DPYSL2: variants seen among roughly 807,000 people sequenced by gnomAD.
DPYSL2 encodes dihydropyrimidinase-related protein 2.
Under a neutral mutation model 69.9 loss-of-function variants are expected in DPYSL2, and 13 were observed. The observed-to-expected ratio is 0.19, with a 90% CI of 0.12 to 0.30. The LOEUF is 0.30. DPYSL2 is among the 10% of genes least tolerant of loss of function. DPYSL2 has a pLI of 1.00. For synonymous variants in DPYSL2, 326 were observed against 359.1 expected, an observed-to-expected ratio of 0.91 and a Z score of 1.04; for missense variants, 587 against 918.9, an observed-to-expected ratio of 0.64 and a Z score of 4.67.
intron 3 of DPYSL2, among the ~76,000 whole-genome samples, chr8:26,601,685 A>G (rs908616597): frequency 1.3e-4 from 20 of 152,300 alleles, no homozygotes; most frequent in African/African-American, 4.8e-4. Context: ...GCCCTCTCTT[A>G]TAGGAACTTC....
intron 2 of DPYSL2, among the ~76,000 whole-genome samples, chr8:26,583,330 T>C (rs1438517589): frequency 5.0e-5 from 5 of 99,558 alleles, no homozygotes; most frequent in Admixed American, 4.8e-4. Context: ...TAGTGTTCAC[T>C]TTTTTTTTTT....
At chr8:26,618,790 A>C (rs923984048) in intron 3 of DPYSL2, among the ~76,000 whole-genome samples, 1 of 151,092 alleles carries the variant, frequency 6.6e-6, no homozygotes, top group African/African-American at 2.4e-5. Context: ...AAAAAAAAAA[A>C]AAAAAAAAAA....
intron 1 of DPYSL2, among the ~76,000 whole-genome samples, chr8:26,515,768 AAAT>A (rs1469520780): frequency 2.0e-5 from 3 of 152,214 alleles, no homozygotes; most frequent in Non-Finnish European, 4.4e-5. Flanking sequence ...CTGCTGGTAA[AAAT>A]AATAAGTCAA....
chr8:26,657,050 C>T lies in DPYSL2; in HGVS notation c.*1344C>T, dbSNP rs1046863609. 35 of 152,024 alleles carry T rather than the reference C, an allele frequency of 2.3e-4. No homozygotes were observed. The highest frequency in any genetic ancestry group is 7.0e-4 in the African/African-American group (29 of 41,408). 9.4% of individuals were successfully genotyped at this position (152,024 alleles called of 1,614,324 possible). ...AGAACACATGGGAGCTTTTTATTTT[C>T]GGGGAAAAACCGTATTTTTTTCTTG... On this transcript the variant is annotated 3_prime_UTR_variant, in exon 14 of 14. Transcript: ENST00000521913.
intron 2 of DPYSL2, among the ~76,000 whole-genome samples, chr8:26,583,510 A>G (rs1801533590): frequency 6.6e-6 from 1 of 152,154 alleles, no homozygotes; most frequent in African/African-American, 2.4e-5. Context: ...CAGTTCTTAG[A>G]AATATCTTGG....
chr8:26,549,220 A>ATC (rs773121290), intron 1 of DPYSL2, among the ~76,000 whole-genome samples: 2 of 137,306 alleles, frequency 1.5e-5, no homozygotes, highest in African/African-American at 2.5e-5. Context: ...TAATAATAAT[A>ATC]ATAATAATCA....
At chr8:26,579,233 C>T (rs1000977131) in intron 1 of DPYSL2, among the ~76,000 whole-genome samples, 3 of 152,256 alleles carry the variant, frequency 2.0e-5, no homozygotes, top group Non-Finnish European at 2.9e-5. Context: ...TGTTGGTTTG[C>T]AAACCACGGG....
intron 1 of DPYSL2, among the ~76,000 whole-genome samples, chr8:26,556,563 T>C (rs1042281977): frequency 4.7e-5 from 7 of 150,302 alleles, no homozygotes; most frequent in Admixed American, 6.8e-5. Flanking sequence ...TTAGAATTTA[T>C]ATTAAAAACA....
chr8:26,647,505 C>A lies in DPYSL2; in HGVS notation c.1426-125C>A. On this transcript the variant is annotated intron_variant, in intron 10 of 13. Coordinates refer to ENST00000521913, the MANE Select transcript of DPYSL2 (RefSeq NM_001197293.3). This position sits in a 1 kb window ranked among gnomAD's most constrained non-coding sequence, Gnocchi z 5.1. Reference sequence around the variant, plus strand: ...GACCTTTGAGACGGTTTGTGTTTCACTTGGCACAACGCTCTTGACATCCAT... The same window carrying A: ...GACCTTTGAGACGGTTTGTGTTTCAATTGGCACAACGCTCTTGACATCCAT... 9.6e-7 allele frequency: 1 copy of A among 1,038,710 alleles called. No homozygotes were observed. The highest frequency in any genetic ancestry group is 1.4e-6 in the Non-Finnish European group (1 of 713,288). The allele number at this position is 1,038,710 out of a possible 1,614,324, so 64.3% of individuals were successfully genotyped here.
At chr8:26,600,546 C>T (rs1397312502) in intron 3 of DPYSL2, among the ~76,000 whole-genome samples, 1 of 152,120 alleles carries the variant, frequency 6.6e-6, no homozygotes, top group Non-Finnish European at 1.5e-5. Context: ...TATTTTGAGG[C>T]CCGTGTACTC....
At chr8:26,577,993 TTC>T (rs756432252) in intron 1 of DPYSL2, 715,704 of 1,199,486 alleles carry the variant, frequency 0.6, 156,084 homozygotes, top group East Asian at 0.74. Context: ...CTCTCTCTCC[TTC>T]TCTCTCTCTC....
intron 3 of DPYSL2, among the ~76,000 whole-genome samples, chr8:26,599,567 C>T (rs1223122510): frequency 6.6e-6 from 1 of 151,072 alleles, no homozygotes; most frequent in Non-Finnish European, 1.5e-5. Flanking sequence ...CTCCTCTCCC[C>T]TCTTTTCCCC....
At position 26,562,071 on chromosome 8, in the gene DPYSL2, C is replaced by T. The variant is rs1000483463; in HGVS notation, c.355-19898C>T. On this transcript the variant is annotated intron_variant, in intron 1 of 13. Transcript: ENST00000521913. The surrounding 1 kb of genome is among the most constrained non-coding windows in gnomAD (Gnocchi z 4.9). ...TCAATCCCCCAATCTAGAGTTCACA[C>T]TTGATAGTTTTCTCCTACTTACTCC... Among the ~76,000 whole-genome samples the T allele has an allele frequency of 6.6e-6, 1 of 152,198 alleles. No individual in the cohort carries two copies. Among genetic ancestry groups the T allele is most frequent in the Non-Finnish European group, 1.5e-5 (1 of 68,020 alleles).
chr8:26,643,333 A>T lies in DPYSL2; in HGVS notation c.1127-106A>T. The stretch of plus-strand genomic sequence containing the variant: ...TGAGCCTGATATTTCCTATAAAGGG[A>T]TAGTGAGTGCACTGGGTGCTGCTGG... On this transcript the variant is annotated intron_variant, in intron 8 of 13. Coordinates refer to ENST00000521913, the MANE Select transcript of DPYSL2 (RefSeq NM_001197293.3). This position sits in a 1 kb window ranked among gnomAD's most constrained non-coding sequence, Gnocchi z 6.5. The T allele has an allele frequency of 8.2e-7, 1 of 1,218,932 alleles. No homozygotes were observed. Among genetic ancestry groups the T allele is most frequent in the Non-Finnish European group, 1.1e-6 (1 of 874,988 alleles). The allele number at this position is 1,218,932 out of a possible 1,614,324, so 75.5% of individuals were successfully genotyped here.
chr8:26,634,154 G>A (rs1434495057), intron 7 of DPYSL2, among the ~76,000 whole-genome samples: 1 of 152,254 alleles, frequency 6.6e-6, no homozygotes, highest in South Asian at 2.1e-4. Flanking sequence ...TCTAGCCTGT[G>A]AGTTTCTAGT....
intron 1 of DPYSL2, among the ~76,000 whole-genome samples, chr8:26,555,713 C>T (rs1800934124): frequency 2.0e-5 from 3 of 151,236 alleles, no homozygotes; most frequent in African/African-American, 4.9e-5. Flanking sequence ...GGGGAAACCT[C>T]ATCTCTACAA....
At position 26,591,802 on chromosome 8, in the gene DPYSL2, C is replaced by T. The variant is rs1366608023; in HGVS notation, c.628+7819C>T. ...CCTCTGCCTCTGGAGAATCCCAGAG[C>T]TTGGGGAAGCACAGGATGGAAACCA... is the stretch of plus-strand genomic sequence containing the variant. On this transcript the variant is annotated intron_variant, in intron 3 of 13. Transcript: ENST00000521913. The surrounding 1 kb of genome is among the most constrained non-coding windows in gnomAD (Gnocchi z 5.8). 6.6e-6 allele frequency among the ~76,000 whole-genome samples: 1 copy of T among 152,076 alleles called. No homozygotes were observed. Among genetic ancestry groups the T allele is most frequent in the Non-Finnish European group, 1.5e-5 (1 of 68,022 alleles).
intron 7 of DPYSL2, among the ~76,000 whole-genome samples, chr8:26,632,301 T>C (rs924965928): frequency 6.6e-6 from 1 of 152,194 alleles, no homozygotes; most frequent in African/African-American, 2.4e-5. Context: ...TGATCCTTTC[T>C]GAAGGGACTG....
At chr8:26,546,884 G>A (rs1377422597) in intron 1 of DPYSL2, among the ~76,000 whole-genome samples, 1 of 114,190 alleles carries the variant, frequency 8.8e-6, no homozygotes, top group African/African-American at 3.4e-5. Context: ...TCGCGCCACT[G>A]CACTCCCAGC....
Sources: allele counts gnomAD v4.1 joint callset (sites outside exome capture counted in the v4.1 genomes callset), GRCh38; gene constraint gnomAD v4.1.1; non-coding constraint Gnocchi (gnomAD v3.1); transcripts MANE v1.5; gene names NCBI Gene and HGNC (gene_info 2026-07-23, HGNC 2026-07-21).